The following WWP2 variants were observed in gnomAD, a reference collection of about 807,000 sequenced individuals.
The protein encoded by WWP2 is WW domain containing E3 ubiquitin protein ligase 2.
In WWP2, 57 loss-of-function variants were observed where a neutral mutation model predicts 121.0. The ratio of observed to expected loss-of-function variants is 0.47; its 90% confidence interval spans 0.38 to 0.59. WWP2 has a LOEUF of 0.59. Ranked by LOEUF, WWP2 falls within the 20% of genes least tolerant of loss-of-function variation. The pLI is 0.00. For synonymous variants in WWP2, 449 were observed against 441.3 expected, an observed-to-expected ratio of 1.02 and a Z score of -0.22; for missense variants, 962 against 1,158.9, an observed-to-expected ratio of 0.83 and a Z score of 2.47.
chr16:69,808,426 A>G (rs1488721472), intron 4 of WWP2, among the ~76,000 whole-genome samples: 2 of 150,750 alleles, frequency 1.3e-5, no homozygotes, highest in Non-Finnish European at 3.0e-5. Context: ...TTTGAGATGG[A>G]GTTTCACTCT....
At chr16:69,869,701 G>GA (rs2057596869) in intron 6 of WWP2, among the ~76,000 whole-genome samples, 1 of 152,144 alleles carries the variant, frequency 6.6e-6, no homozygotes, top group African/African-American at 2.4e-5. Flanking sequence ...AAGGAAGCTG[G>GA]AAAAATCTAG....
intron 4 of WWP2, among the ~76,000 whole-genome samples, chr16:69,836,833 C>A (rs1020520050): frequency 2.0e-5 from 3 of 151,294 alleles, no homozygotes. Context: ...CCAGGATGGT[C>A]TCGAATTCCT....
At chr16:69,806,855 A>G (rs1468860894) in intron 4 of WWP2, among the ~76,000 whole-genome samples, 11 of 151,918 alleles carry the variant, frequency 7.2e-5, no homozygotes, top group Non-Finnish European at 2.9e-5. Flanking sequence ...AACTTCTTGG[A>G]TTTGTCAGAT....
chr16:69,775,811 A>G (rs986816859), intron 1 of WWP2, among the ~76,000 whole-genome samples: 4 of 152,174 alleles, frequency 2.6e-5, no homozygotes, highest in Non-Finnish European at 5.9e-5. Context: ...AAAGCTGGAC[A>G]TGATGTATTA....
chr16:69,834,864 T>C (rs2056848400), intron 4 of WWP2, among the ~76,000 whole-genome samples: 2 of 148,546 alleles, frequency 1.3e-5, no homozygotes, highest in South Asian at 4.3e-4. Context: ...TGCAATTTTC[T>C]TTTTTTTTTA....
chr16:69,815,553 T>C (rs2056472885), intron 4 of WWP2, among the ~76,000 whole-genome samples: 1 of 150,802 alleles, frequency 6.6e-6, no homozygotes, highest in South Asian at 2.1e-4. Context: ...TTTGGGAGGC[T>C]GAGGTGGGTG....
chr16:69,868,948 T>C (rs1116544), intron 6 of WWP2, among the ~76,000 whole-genome samples: 84,620 of 151,258 alleles, frequency 0.56, 24,287 homozygotes, highest in East Asian at 0.9. Context: ...AGTGCAGTGG[T>C]ACAATCTCGG....
chr16:69,782,667 T>G (rs1014868664), intron 1 of WWP2, among the ~76,000 whole-genome samples: 1 of 152,152 alleles, frequency 6.6e-6, no homozygotes, highest in African/African-American at 2.4e-5. Flanking sequence ...TATTACAGAC[T>G]AGTCTAGAAA....
At chr16:69,786,531 A>G (rs564445154) in intron 1 of WWP2, among the ~76,000 whole-genome samples, 34 of 145,054 alleles carry the variant, frequency 2.3e-4, no homozygotes, top group Admixed American at 1.8e-3. Flanking sequence ...GCTCACTGCA[A>G]CCTCCGCCTC....
chr16:69,921,088 A>G (rs1035022008), intron 10 of WWP2, among the ~76,000 whole-genome samples: 2 of 152,180 alleles, frequency 1.3e-5, no homozygotes, highest in African/African-American at 4.8e-5. Context: ...CTCGCTGGGG[A>G]TGTGGGAGGG....
intron 9 of WWP2, chr16:69,909,697 T>C: frequency 1.0e-6 from 1 of 985,208 alleles, no homozygotes; most frequent in Non-Finnish European, 1.2e-6. Flanking sequence ...AACATGGACT[T>C]CTCAAATTAG....
intron 1 of WWP2, among the ~76,000 whole-genome samples, chr16:69,780,848 A>AAAT: frequency 6.6e-6 from 1 of 152,230 alleles, no homozygotes; most frequent in East Asian, 1.9e-4. Context: ...TACAAAAAAT[A>AAAT]AATACATAAA....
At chr16:69,919,331 A>G (rs1358375173) in intron 10 of WWP2, among the ~76,000 whole-genome samples, 2 of 150,368 alleles carry the variant, frequency 1.3e-5, no homozygotes, top group Non-Finnish European at 3.0e-5. Context: ...GTGCCTGGCT[A>G]ATTTTTTGTA....
chr16:69,819,584 A>G (rs2056557052), intron 4 of WWP2, among the ~76,000 whole-genome samples: 1 of 151,758 alleles, frequency 6.6e-6, no homozygotes, highest in South Asian at 2.1e-4. Flanking sequence ...ATTTAATTTA[A>G]TTTTCTAGAG....
chr16:69,837,267 T>G (rs2056893722), intron 4 of WWP2, among the ~76,000 whole-genome samples: 1 of 151,782 alleles, frequency 6.6e-6, no homozygotes, highest in Admixed American at 6.6e-5. Flanking sequence ...AGTCTCACTG[T>G]GTTACTCATG....
chr16:69,815,371 G>C (rs2056469238), intron 4 of WWP2, among the ~76,000 whole-genome samples: 1 of 152,150 alleles, frequency 6.6e-6, no homozygotes, highest in South Asian at 2.1e-4. Context: ...ACAGTGGCTC[G>C]AGCATAGCTC....
In WWP2 at chr16:69,805,437, C is replaced by A. The variant is rs113289494; in HGVS notation, c.340+6142C>A. Among the ~76,000 whole-genome samples the A allele has an allele frequency of 4.6e-5, 7 of 152,204 alleles. 1 individual carries two copies. The highest frequency in any genetic ancestry group is 1.7e-4 in the African/African-American group (7 of 41,558). The stretch of plus-strand genomic sequence containing the variant: ...TGTTAGTTGCTTTGCATAAAACTTT[C>A]TGTTTTAGTGGTGATAGAGAAATGC... On this transcript the variant is annotated intron_variant, in intron 4 of 23. Transcript: ENST00000359154.
chr16:69,893,070 T>C (rs2058054053), intron 8 of WWP2, among the ~76,000 whole-genome samples: 1 of 152,212 alleles, frequency 6.6e-6, no homozygotes, highest in Non-Finnish European at 1.5e-5. Context: ...TCTCCGGACT[T>C]AGGATCCTCC....
At position 69,936,402 on chromosome 16, in the gene WWP2, G is replaced by A. The variant is rs1339066637; in HGVS notation, c.2067G>A (p.Glu689=). 6.2e-7 allele frequency: 1 copy of A among 1,614,122 alleles called. No homozygotes were observed. The highest frequency in any genetic ancestry group is 1.7e-5 in the Admixed American group (1 of 60,024). ...AGGTGACGACCCACGAGCTGAAGGA[G>A]GGCGGCGAGAGCATCCGGGTCACAG... ...LGKVTTHELK[E]GGESIRVTEE... The change falls in exon 19 of 24, where the codon GAG becomes GAA. Residue 689 remains glutamate (E), a synonymous_variant. Coordinates refer to ENST00000359154, the MANE Select transcript of WWP2 (RefSeq NM_001270454.2).
Sources: allele counts gnomAD v4.1 joint callset (sites outside exome capture counted in the v4.1 genomes callset), GRCh38; gene constraint gnomAD v4.1.1; transcripts MANE v1.5; gene names NCBI Gene and HGNC (gene_info 2026-07-23, HGNC 2026-07-21).